Variants in ACVR2A observed in about 807,000 individuals in gnomAD.
ACVR2A encodes activin receptor type-2A.
ACVR2A carries 7 observed loss-of-function variants against 61.4 expected under a neutral mutation model. That is an observed-to-expected ratio of 0.11 (90% CI 0.06 to 0.21). ACVR2A has a LOEUF of 0.21. ACVR2A is among the 10% of genes least tolerant of loss of function. The pLI, the probability that ACVR2A is intolerant of heterozygous loss-of-function variation, is 1.00. For synonymous variants in ACVR2A, 193 were observed against 208.3 expected (o/e 0.93, Z 0.63); for missense variants, 322 against 621.7 (o/e 0.52, Z 5.13).
chr2:147,916,942 C>T (rs1421169735), intron 5 of ACVR2A, among the ~76,000 whole-genome samples: 1 of 151,924 alleles, frequency 6.6e-6, no homozygotes, highest in Admixed American at 6.6e-5. Flanking sequence ...AATAGTACCA[C>T]AAGTAACTTC....
chr2:147,906,906 G>A (rs999605457), intron 4 of ACVR2A, among the ~76,000 whole-genome samples: 1 of 150,526 alleles, frequency 6.6e-6, no homozygotes, highest in Non-Finnish European at 1.5e-5. Flanking sequence ...CTGTGCCATG[G>A]TGGTATGCTG....
At chr2:147,895,957 GTTTGCTTAGTT>G (rs1686723584) in intron 1 of ACVR2A, among the ~76,000 whole-genome samples, 1 of 152,064 alleles carries the variant, frequency 6.6e-6, no homozygotes, top group African/African-American at 2.4e-5. Context: ...GCAGAGTTAT[GTTTGCTTAGTT>G]TTTGTCCCAC....
chr2:147,883,784 G>A lies in ACVR2A; in HGVS notation c.56-12517G>A, dbSNP rs1297095073. Among the ~76,000 whole-genome samples, 4 of 152,096 alleles carry A rather than the reference G, an allele frequency of 2.6e-5. No homozygotes were observed. In the East Asian group the frequency reaches 7.7e-4, roughly 29 times the overall value. ...GACCAAATATTGCTTTGATGGAAAT[G>A]TTTGTGATGAGGTTTTTGTGCTTTG... On this transcript the variant is annotated intron_variant, in intron 1 of 10. Transcript: ENST00000241416.
intron 1 of ACVR2A, among the ~76,000 whole-genome samples, chr2:147,849,263 T>C (rs1685391715): frequency 6.6e-6 from 1 of 152,200 alleles, no homozygotes; most frequent in South Asian, 2.1e-4. Flanking sequence ...TGATATGATC[T>C]TTAAGGATAT....
chr2:147,905,625 C>A (rs1013821584), intron 4 of ACVR2A, among the ~76,000 whole-genome samples: 8 of 151,856 alleles, frequency 5.3e-5, no homozygotes, highest in African/African-American at 1.9e-4. Context: ...AGATGTTGTT[C>A]TGTGTCCTAC....
chr2:147,927,225 T>C lies in ACVR2A; in HGVS notation c.1493T>C (p.Val498Ala). The C allele has an allele frequency of 6.2e-7, 1 of 1,611,848 alleles. No individual in the cohort carries two copies. Among genetic ancestry groups the C allele is most frequent in the Non-Finnish European group, 8.5e-7 (1 of 1,178,668 alleles). The change falls in exon 11 of 11, where the codon GTC becomes GCC. Residue 498 changes from valine (V) to alanine (A), a missense_variant. Around this residue, in one of 3 missense-constraint regions of ACVR2A, gnomAD observed 34 missense variants for 37.6 expected, o/e 0.91. Coordinates refer to ENST00000241416, the MANE Select transcript of ACVR2A (RefSeq NM_001616.5). ...ACCACAGAGGACATTGTAACAGTGGTCACAATGGTGACAAATGTTGACTTT... is the reference window on the plus strand; with the variant it reads ...ACCACAGAGGACATTGTAACAGTGGCCACAATGGTGACAAATGTTGACTTT... ...IITTEDIVTV[V>A]TMVTNVDFPP...
chr2:147,899,043 A>G (rs1686812355), intron 2 of ACVR2A, among the ~76,000 whole-genome samples: 1 of 152,088 alleles, frequency 6.6e-6, no homozygotes, highest in African/African-American at 2.4e-5. Context: ...ACAGTTTTAT[A>G]TATAGTTTTC....
At chr2:147,924,806 G>A (rs540107691) in intron 9 of ACVR2A, among the ~76,000 whole-genome samples, 1 of 151,970 alleles carries the variant, frequency 6.6e-6, no homozygotes, top group South Asian at 2.1e-4. Flanking sequence ...GTAGGTCTGG[G>A]TTGAAGCCTG....
At chr2:147,924,341 G>A (rs929828055) in intron 9 of ACVR2A, among the ~76,000 whole-genome samples, 3 of 151,880 alleles carry the variant, frequency 2.0e-5, no homozygotes, top group African/African-American at 7.3e-5. Flanking sequence ...GTTTAGTTAG[G>A]GCAATAAAAT....
intron 4 of ACVR2A, among the ~76,000 whole-genome samples, chr2:147,911,718 A>G (rs1458760785): frequency 1.3e-5 from 2 of 152,020 alleles, no homozygotes; most frequent in Non-Finnish European, 2.9e-5. Flanking sequence ...CCCAGCTTTT[A>G]TAATTAAAAT....
intron 4 of ACVR2A, among the ~76,000 whole-genome samples, chr2:147,906,818 A>ATTTTTTTT (rs369876665): frequency 4.1e-5 from 5 of 123,400 alleles, no homozygotes; most frequent in Non-Finnish European, 3.4e-5. Context: ...TATCAAGTCC[A>ATTTTTTTT]TTTTTTTTTT....
At chr2:147,885,695 A>T (rs1002703017) in intron 1 of ACVR2A, among the ~76,000 whole-genome samples, 1 of 152,154 alleles carries the variant, frequency 6.6e-6, no homozygotes. Flanking sequence ...TATTCACTTC[A>T]TGATACTTAC....
chr2:147,901,212 T>C (rs1430705703), intron 4 of ACVR2A, among the ~76,000 whole-genome samples: 1 of 152,048 alleles, frequency 6.6e-6, no homozygotes, highest in East Asian at 1.9e-4. Flanking sequence ...GTGATAACTT[T>C]TAAAAAATTT....
chr2:147,922,824 C>T (rs931509810), intron 8 of ACVR2A, 149 bp from the exon 9 acceptor site: 17 of 685,540 alleles, frequency 2.5e-5, no homozygotes, highest in Admixed American at 1.3e-4. Context: ...TTTAAGTATA[C>T]GCAGAAAGGA....
At chr2:147,903,781 G>T (rs901942580) in intron 4 of ACVR2A, among the ~76,000 whole-genome samples, 1 of 151,786 alleles carries the variant, frequency 6.6e-6, no homozygotes, top group African/African-American at 2.4e-5. Context: ...AGTTGAGAAG[G>T]GCTCATAATG....
intron 1 of ACVR2A, among the ~76,000 whole-genome samples, chr2:147,891,841 G>A (rs1686590278): frequency 6.6e-6 from 1 of 152,102 alleles, no homozygotes; most frequent in South Asian, 2.1e-4. Flanking sequence ...TATTGCTTTT[G>A]TATTATTTGG....
chr2:147,894,081 T>A (rs1686663128), intron 1 of ACVR2A, among the ~76,000 whole-genome samples: 1 of 152,132 alleles, frequency 6.6e-6, no homozygotes, highest in Non-Finnish European at 1.5e-5. Flanking sequence ...TTTCTTTTTG[T>A]GTATGGATAT....
intron 1 of ACVR2A, among the ~76,000 whole-genome samples, chr2:147,864,910 A>T (rs188260863): frequency 6.6e-6 from 1 of 152,322 alleles, no homozygotes; most frequent in African/African-American, 2.4e-5. Context: ...CTTTGGAATG[A>T]TAATCCATAT....
intron 1 of ACVR2A, among the ~76,000 whole-genome samples, chr2:147,872,593 G>A (rs183320306): frequency 1.3e-5 from 2 of 150,156 alleles, no homozygotes; most frequent in Admixed American, 6.7e-5. Flanking sequence ...CATGGTAGAA[G>A]TCTGTGGTCC....
Sources: allele counts gnomAD v4.1 joint callset (sites outside exome capture counted in the v4.1 genomes callset), GRCh38; gene constraint gnomAD v4.1.1; regional missense constraint gnomAD v4.1.1; transcripts MANE v1.5; gene names NCBI Gene and HGNC (gene_info 2026-07-23, HGNC 2026-07-21).